ARHGAP15: variants seen among roughly 807,000 people sequenced by gnomAD.
The protein encoded by ARHGAP15 is Rho GTPase activating protein 15.
Under a neutral mutation model 63.7 loss-of-function variants are expected in ARHGAP15, and 51 were observed. That is an observed-to-expected ratio of 0.80 (90% CI 0.64 to 1.01). ARHGAP15 has a LOEUF of 1.01. Ranked by LOEUF, ARHGAP15 falls within the 50% of genes least tolerant of loss-of-function variation. The probability of loss-of-function intolerance (pLI) is 0.00; values close to 1 mark genes in which losing one functional copy is unlikely to be tolerated. For missense variants in ARHGAP15, 560 were observed against 564.6 expected, an observed-to-expected ratio of 0.99 and a Z score of 0.08; for synonymous variants, 191 against 193.8, an observed-to-expected ratio of 0.99 and a Z score of 0.12.
At chr2:143,383,224 A>G (rs1304842502) in intron 6 of ARHGAP15, among the ~76,000 whole-genome samples, 1 of 152,222 alleles carries the variant, frequency 6.6e-6, no homozygotes, top group African/African-American at 2.4e-5. Flanking sequence ...AATTTGCCTA[A>G]GAAGGCTTCA....
intron 8 of ARHGAP15, among the ~76,000 whole-genome samples, chr2:143,458,629 T>A (rs1437086705): frequency 6.6e-6 from 1 of 152,182 alleles, no homozygotes; most frequent in Non-Finnish European, 1.5e-5. Flanking sequence ...CTGGCTCTTG[T>A]CAATTAAGAT....
In ARHGAP15 at chr2:143,386,514, A is replaced by G. The variant is rs182957928; in HGVS notation, c.475-49087A>G. Among the ~76,000 whole-genome samples, 122 of 152,300 alleles carry G rather than the reference A, an allele frequency of 8.0e-4. 2 individuals are homozygous for G. Among genetic ancestry groups the G allele is most frequent in the Admixed American group, 7.3e-3 (112 of 15,290 alleles). ...AGAAAGTAACATGTAAATAAATACT[A>G]GGCTCTTCAGGTAAAGCAAAATTCA... On this transcript the variant is annotated intron_variant, in intron 6 of 13. Coordinates refer to ENST00000295095, the MANE Select transcript of ARHGAP15 (RefSeq NM_018460.4).
At chr2:143,563,855 G>T (rs1696119937) in intron 11 of ARHGAP15, 3 of 152,358 alleles carry the variant, frequency 2.0e-5, no homozygotes, top group African/African-American at 7.2e-5. Context: ...TATCAGAATT[G>T]TACTGCATAT....
intron 2 of ARHGAP15, among the ~76,000 whole-genome samples, chr2:143,167,047 A>G (rs1295440697): frequency 2.0e-5 from 3 of 152,098 alleles, no homozygotes; most frequent in African/African-American, 4.8e-5. Flanking sequence ...TTTGATGTCT[A>G]TAACTATTTT....
intron 1 of ARHGAP15, among the ~76,000 whole-genome samples, chr2:143,145,811 A>C (rs1010091504): frequency 6.6e-6 from 1 of 150,800 alleles, no homozygotes; most frequent in African/African-American, 2.4e-5. Context: ...GAGAGATAAC[A>C]GGTCCTTCCA....
chr2:143,218,973 G>C (rs1452056580), intron 4 of ARHGAP15, among the ~76,000 whole-genome samples: 2 of 152,172 alleles, frequency 1.3e-5, no homozygotes, highest in African/African-American at 4.8e-5. Flanking sequence ...CAGTCTCATA[G>C]GACTACTATC....
intron 8 of ARHGAP15, 25 bp from the exon 9 acceptor site, chr2:143,487,348 G>T (rs766737325): frequency 6.3e-7 from 1 of 1,582,568 alleles, no homozygotes; most frequent in Non-Finnish European, 8.5e-7. Flanking sequence ...TTTACCAAAA[G>T]CCTCTGATTT....
At chr2:143,671,567 A>T (rs1473841330) in intron 12 of ARHGAP15, among the ~76,000 whole-genome samples, 1 of 152,212 alleles carries the variant, frequency 6.6e-6, no homozygotes, top group African/African-American at 2.4e-5. Context: ...TAACACACTT[A>T]TAGGTGTCCA....
intron 6 of ARHGAP15, among the ~76,000 whole-genome samples, chr2:143,285,249 A>G (rs796780349): frequency 6.6e-6 from 1 of 152,152 alleles, no homozygotes; most frequent in South Asian, 2.1e-4. Flanking sequence ...AAACTATGGA[A>G]ACTTAACTAA....
chr2:143,668,242 C>G (rs1682332810), intron 12 of ARHGAP15, among the ~76,000 whole-genome samples: 1 of 151,582 alleles, frequency 6.6e-6, no homozygotes, highest in Non-Finnish European at 1.5e-5. Context: ...ACTCCCATCA[C>G]TTCCTAAAGG....
intron 6 of ARHGAP15, among the ~76,000 whole-genome samples, chr2:143,410,264 A>G (rs1462080838): frequency 6.6e-6 from 1 of 152,204 alleles, no homozygotes; most frequent in East Asian, 1.9e-4. Flanking sequence ...AGATGTCATC[A>G]TCACATCACA....
intron 11 of ARHGAP15, among the ~76,000 whole-genome samples, chr2:143,566,704 G>A (rs761873322): frequency 2.0e-5 from 3 of 151,812 alleles, no homozygotes; most frequent in African/African-American, 7.3e-5. Flanking sequence ...CCTGTCTACT[G>A]GAAATGAGTT....
chr2:143,288,068 G>T (rs767810692), intron 6 of ARHGAP15, among the ~76,000 whole-genome samples: 11 of 152,200 alleles, frequency 7.2e-5, no homozygotes, highest in Non-Finnish European at 1.6e-4. Flanking sequence ...AGTTATGAAA[G>T]CTCTTTGCAT....
At chr2:143,158,289 C>T (rs922821545) in intron 2 of ARHGAP15, among the ~76,000 whole-genome samples, 1 of 151,748 alleles carries the variant, frequency 6.6e-6, no homozygotes, top group Non-Finnish European at 1.5e-5. Context: ...CAAAATTCTC[C>T]TGTATATGTC....
chr2:143,164,262 G>T (rs1257766841), intron 2 of ARHGAP15, among the ~76,000 whole-genome samples: 1 of 152,032 alleles, frequency 6.6e-6, no homozygotes, highest in Non-Finnish European at 1.5e-5. Context: ...TAAAGTACGT[G>T]TCAGTTTTCA....
intron 9 of ARHGAP15, among the ~76,000 whole-genome samples, chr2:143,498,030 T>G (rs1480116390): frequency 6.6e-6 from 1 of 152,190 alleles, no homozygotes; most frequent in Non-Finnish European, 1.5e-5. Context: ...CACAATTCAT[T>G]TTGACATATC....
At chr2:143,556,025 GCAAATGTCTTA>G (rs1013510316) in intron 10 of ARHGAP15, among the ~76,000 whole-genome samples, 2 of 152,058 alleles carry the variant, frequency 1.3e-5, no homozygotes, top group African/African-American at 4.8e-5. Flanking sequence ...CAGGCCAGTA[GCAAATGTCTTA>G]CAAATGTCTC....
chr2:143,365,955 C>CT (rs773949646), intron 6 of ARHGAP15, among the ~76,000 whole-genome samples: 37 of 152,294 alleles, frequency 2.4e-4, no homozygotes, highest in Middle Eastern at 3.4e-3. Context: ...ACATTTCCAG[C>CT]TGTCTAATTT....
chr2:143,315,965 A>G (rs1292424182), intron 6 of ARHGAP15, among the ~76,000 whole-genome samples: 1 of 152,086 alleles, frequency 6.6e-6, no homozygotes, highest in Non-Finnish European at 1.5e-5. Flanking sequence ...GCGTGCCTGT[A>G]TTCCCAGCTG....
Sources: allele counts gnomAD v4.1 joint callset (sites outside exome capture counted in the v4.1 genomes callset), GRCh38; gene constraint gnomAD v4.1.1; transcripts MANE v1.5; gene names NCBI Gene and HGNC (gene_info 2026-07-23, HGNC 2026-07-21).